LMTK2: variants seen among roughly 807,000 people sequenced by gnomAD.
The protein encoded by LMTK2 is lemur tail kinase 2.
Under a neutral mutation model 127.5 loss-of-function variants are expected in LMTK2, and 37 were observed. The ratio of observed to expected loss-of-function variants is 0.29; its 90% CI spans 0.22 to 0.38. The LOEUF is 0.38. Among genes scored for constraint, LMTK2 ranks in the 10% least tolerant of loss-of-function variants. LMTK2 has a pLI of 1.00. For missense variants in LMTK2, 1,694 were observed against 1,920.3 expected, an observed-to-expected ratio of 0.88 and a Z score of 2.20; for synonymous variants, 819 against 810.1, an observed-to-expected ratio of 1.01 and a Z score of -0.19.
intron 1 of LMTK2, among the ~76,000 whole-genome samples, chr7:98,113,674 A>G (rs1436462948): frequency 6.6e-6 from 1 of 152,250 alleles, no homozygotes; most frequent in Non-Finnish European, 1.5e-5. Context: ...GAGATGCTGG[A>G]CAACCATCTC....
chr7:98,153,296 G>A (rs1796882741), intron 4 of LMTK2, among the ~76,000 whole-genome samples: 1 of 152,176 alleles, frequency 6.6e-6, no homozygotes, highest in South Asian at 2.1e-4. Context: ...TCTGCAGCAG[G>A]GAGAGGCCAG....
At chr7:98,188,957 C>T (rs936695806) in intron 9 of LMTK2, among the ~76,000 whole-genome samples, 3 of 152,136 alleles carry the variant, frequency 2.0e-5, no homozygotes, top group African/African-American at 7.2e-5. Context: ...TATTTGTTTG[C>T]ACTGTAGTCT....
Position 98,203,623 on chromosome 7 carries a change from C to G in LMTK2, c.4157C>G (p.Pro1386Arg), listed in dbSNP as rs141328136. 6.2e-6 allele frequency: 10 copies of G among 1,612,864 alleles called. No individual in the cohort carries two copies. Among genetic ancestry groups the G allele is most frequent in the South Asian group, 2.2e-5 (2 of 91,046 alleles). Residue 1386 changes from proline to arginine, a missense_variant, in exon 12 of 14, where the codon CCG becomes CGG. Pro to Arg is a moderately radical substitution (Grantham distance 103, BLOSUM62 -2). Transcript: ENST00000297293. ...CCCTGTGGAGGAGAGGCGTGCGGCCCGGACCTGAGCGGCCCAGCCCCAGCC... is the reference window on the plus strand; with the variant it reads ...CCCTGTGGAGGAGAGGCGTGCGGCCGGGACCTGAGCGGCCCAGCCCCAGCC... ...LGPCGGEACG[P>R]DLSGPAPASG...
chr7:98,112,988 G>A (rs1796224901), intron 1 of LMTK2, among the ~76,000 whole-genome samples: 4 of 152,056 alleles, frequency 2.6e-5, no homozygotes, highest in African/African-American at 9.7e-5. Flanking sequence ...TCCTGAGTAG[G>A]TGTGTGTCAC....
At chr7:98,150,401 G>A (rs1312201612) in intron 3 of LMTK2, among the ~76,000 whole-genome samples, 2 of 152,124 alleles carry the variant, frequency 1.3e-5, no homozygotes, top group African/African-American at 4.8e-5. Flanking sequence ...CCAAGTGATG[G>A]CAAAGAGACG....
At chr7:98,180,249 T>A (rs757304874) in intron 7 of LMTK2, among the ~76,000 whole-genome samples, 1 of 152,254 alleles carries the variant, frequency 6.6e-6, no homozygotes, top group Non-Finnish European at 1.5e-5. Flanking sequence ...GAAATTAAAA[T>A]CTTTGAAAAT....
chr7:98,172,579 T>G (rs1260302438), intron 7 of LMTK2, among the ~76,000 whole-genome samples: 1 of 152,180 alleles, frequency 6.6e-6, no homozygotes, highest in Non-Finnish European at 1.5e-5. Flanking sequence ...GAGCTGTGCT[T>G]TATGTTTAAA....
intron 9 of LMTK2, among the ~76,000 whole-genome samples, chr7:98,188,459 T>C (rs1182599814): frequency 6.6e-6 from 1 of 151,964 alleles, no homozygotes; most frequent in East Asian, 1.9e-4. Flanking sequence ...AAAAAAGTTA[T>C]TATTATATAT....
At chr7:98,112,451 C>T (rs6951240) in intron 1 of LMTK2, among the ~76,000 whole-genome samples, 2,730 of 152,318 alleles carry the variant, frequency 0.018, 29 homozygotes, top group Non-Finnish European at 0.029. Flanking sequence ...CCACTAGCTC[C>T]CTGTGGATGC....
chr7:98,117,638 A>C (rs950381748), intron 1 of LMTK2, among the ~76,000 whole-genome samples: 3 of 152,044 alleles, frequency 2.0e-5, no homozygotes, highest in Admixed American at 2.0e-4. Context: ...TTCTTCAAGG[A>C]GCTCTGGTTC....
At position 98,204,213 on chromosome 7, in the gene LMTK2, G is replaced by A. The variant is rs1188692277; in HGVS notation, c.4483+27G>A. ...TGAGAGGCGCTGCGTGCTGGGGATTGGGAGTGCAGGGTCGGGGGTGGGGCG... is the reference window on the plus strand; with the variant it reads ...TGAGAGGCGCTGCGTGCTGGGGATTAGGAGTGCAGGGTCGGGGGTGGGGCG... On this transcript the variant is annotated intron_variant, in intron 13 of 13. Coordinates refer to ENST00000297293, the MANE Select transcript of LMTK2 (RefSeq NM_014916.4). 3 of 1,490,546 alleles carry A rather than the reference G, an allele frequency of 2.0e-6. No individual in the cohort carries two copies. The Admixed American group carries it at 5.0e-5, about 25-fold the overall frequency. 92.3% of individuals were successfully genotyped at this position (1,490,546 alleles called of 1,614,324 possible).
Position 98,191,950 on chromosome 7 carries a change from C to G in LMTK2, c.1485C>G (p.Asp495Glu), listed in dbSNP as rs61734166. The change falls in exon 11 of 14, where the codon GAC (aspartate) becomes GAG (glutamate). Residue 495 changes from aspartate to glutamate, a missense_variant. Asp to Glu is a conservative substitution (Grantham distance 45). Coordinates refer to ENST00000297293, the MANE Select transcript of LMTK2 (RefSeq NM_014916.4). ...ACGAGCGCAGCCGGGGCCACCTGGA[C>G]GAAGGCTTGTCCTACACGAGCATCT... ...HFDERSRGHLDEGLSYTSIFY... is the reference protein window; with the variant it reads ...HFDERSRGHLEEGLSYTSIFY... 6.2e-7 allele frequency: 1 copy of G among 1,614,022 alleles called. No individual in the cohort carries two copies. The highest frequency in any genetic ancestry group is 1.7e-5 in the Admixed American group (1 of 60,016).
chr7:98,176,772 G>T (rs575648991), intron 7 of LMTK2, among the ~76,000 whole-genome samples: 1 of 152,094 alleles, frequency 6.6e-6, no homozygotes, highest in Admixed American at 6.5e-5. Context: ...GCTTGAACCC[G>T]GGAGGCAGAG....
chr7:98,139,470 G>T (rs969993929), intron 2 of LMTK2, among the ~76,000 whole-genome samples: 2 of 152,044 alleles, frequency 1.3e-5, no homozygotes, highest in Non-Finnish European at 2.9e-5. Flanking sequence ...ATCATCTGTT[G>T]GTATATCTAG....
chr7:98,153,847 CAG>C (rs898042172), intron 4 of LMTK2, among the ~76,000 whole-genome samples: 3 of 151,064 alleles, frequency 2.0e-5, no homozygotes, highest in Non-Finnish European at 4.4e-5. Context: ...TACAGGGTGA[CAG>C]AGCAAGACTG....
At chr7:98,201,732 C>T (rs1797707743) in intron 11 of LMTK2, among the ~76,000 whole-genome samples, 1 of 152,168 alleles carries the variant, frequency 6.6e-6, no homozygotes, top group Non-Finnish European at 1.5e-5. Context: ...TCCTCAGCCT[C>T]CTGAGTAGCT....
chr7:98,122,714 GTGTGTGTGTGTGTATATA>G (rs751131139), intron 1 of LMTK2, among the ~76,000 whole-genome samples: 413 of 4,566 alleles, frequency 0.09, 9 homozygotes, highest in South Asian at 0.41. Flanking sequence ...GTGTGTGTGT[GTGTGTGTGTGTGTATATA>G]TATAACTGGA....
intron 6 of LMTK2, among the ~76,000 whole-genome samples, chr7:98,169,425 C>T (rs367590823): frequency 6.6e-6 from 1 of 152,242 alleles, no homozygotes; most frequent in Non-Finnish European, 1.5e-5. Context: ...GCCCGCTCTG[C>T]GCTTCCTCTG....
chr7:98,126,316 C>G (rs1027569643), intron 1 of LMTK2, among the ~76,000 whole-genome samples: 1 of 152,176 alleles, frequency 6.6e-6, no homozygotes, highest in African/African-American at 2.4e-5. Flanking sequence ...TATCCTTCCC[C>G]TAGACGTTGG....
Sources: allele counts gnomAD v4.1 joint callset (sites outside exome capture counted in the v4.1 genomes callset), GRCh38; gene constraint gnomAD v4.1.1; transcripts MANE v1.5; gene names NCBI Gene and HGNC (gene_info 2026-07-23, HGNC 2026-07-21).